The following USP33 variants were observed in gnomAD, a reference collection of about 807,000 sequenced individuals.
USP33 encodes ubiquitin carboxyl-terminal hydrolase 33.
In USP33, 46 loss-of-function variants were observed where a neutral mutation model predicts 124.2. The observed-to-expected ratio is 0.37, with a 90% CI of 0.29 to 0.47. USP33 has a LOEUF of 0.47. Ranked by LOEUF, USP33 falls within the 20% of genes least tolerant of loss-of-function variation. The pLI, the probability that USP33 is intolerant of heterozygous loss-of-function variation, is 0.99. For missense variants in USP33, 851 were observed against 1,070.6 expected, an observed-to-expected ratio of 0.79 and a Z score of 2.86; for synonymous variants, 350 against 352.3, an observed-to-expected ratio of 0.99 and a Z score of 0.07.
chr1:77,703,898 T>A (rs1485117717), intron 21 of USP33, among the ~76,000 whole-genome samples: 1 of 152,112 alleles, frequency 6.6e-6, no homozygotes, highest in African/African-American at 2.4e-5. Flanking sequence ...ATCCCTATAG[T>A]CCCAGCTATT....
chr1:77,723,992 C>A (rs1676878760), intron 11 of USP33, among the ~76,000 whole-genome samples: 1 of 151,872 alleles, frequency 6.6e-6, no homozygotes, highest in Non-Finnish European at 1.5e-5. Flanking sequence ...ATAAATGATC[C>A]TTGGCCACCA....
intron 21 of USP33, 146 bp downstream of exon 21, chr1:77,711,601 T>A: frequency 7.6e-7 from 1 of 1,317,684 alleles, no homozygotes; most frequent in Non-Finnish European, 1.0e-6. Context: ...GTGAACTGCC[T>A]GAGGTCATTC....
intron 18 of USP33, 79 bp from the exon 19 acceptor site, chr1:77,714,862 C>T: frequency 7.1e-7 from 1 of 1,404,446 alleles, no homozygotes; most frequent in Non-Finnish European, 9.9e-7. Context: ...TCTTATTAGA[C>T]TTAACACACA....
intron 4 of USP33, among the ~76,000 whole-genome samples, chr1:77,740,465 T>G (rs535421922): frequency 6.6e-6 from 1 of 152,054 alleles, no homozygotes; most frequent in African/African-American, 2.4e-5. Context: ...ACAATTCTCC[T>G]GCCTCAGCCT....
intron 10 of USP33, among the ~76,000 whole-genome samples, 182 bp downstream of exon 10, chr1:77,728,113 T>C (rs1048408460): frequency 6.6e-6 from 1 of 152,224 alleles, no homozygotes; most frequent in Non-Finnish European, 1.5e-5. Flanking sequence ...ATTTCTTATA[T>C]AATTAAATGA....
chr1:77,754,166 A>T (rs1306495677), intron 1 of USP33, among the ~76,000 whole-genome samples: 1 of 152,222 alleles, frequency 6.6e-6, no homozygotes, highest in Non-Finnish European at 1.5e-5. Flanking sequence ...TTCAAAGGAC[A>T]GCAAGCACTT....
chr1:77,751,110 T>C (rs1475242839), intron 1 of USP33, among the ~76,000 whole-genome samples: 1 of 152,222 alleles, frequency 6.6e-6, no homozygotes, highest in African/African-American at 2.4e-5. Context: ...CTGTAGAAGC[T>C]TGTGACTTAC....
chr1:77,720,690 AT>A (rs2101373831), intron 15 of USP33: 2 of 844,856 alleles, frequency 2.4e-6, no homozygotes, highest in African/African-American at 3.7e-5. Flanking sequence ...ACTAAGAAGC[AT>A]TAAAAGTCTA....
chr1:77,698,410 G>A (rs370112480), intron 22 of USP33, among the ~76,000 whole-genome samples: 4 of 150,130 alleles, frequency 2.7e-5, no homozygotes, highest in African/African-American at 9.8e-5. Context: ...GAGCTTCTTC[G>A]TTTTTAGTTC....
intron 1 of USP33, among the ~76,000 whole-genome samples, chr1:77,752,182 G>A (rs1210140906): frequency 6.6e-6 from 1 of 151,666 alleles, no homozygotes; most frequent in Non-Finnish European, 1.5e-5. Context: ...TGTCGCCCAG[G>A]CTGGAGTGCA....
intron 1 of USP33, among the ~76,000 whole-genome samples, chr1:77,754,173 A>T (rs1412808451): frequency 6.6e-6 from 1 of 152,198 alleles, no homozygotes; most frequent in Non-Finnish European, 1.5e-5. Flanking sequence ...GACAGCAAGC[A>T]CTTTGCACTA....
chr1:77,754,134 G>A (rs556532555), intron 1 of USP33, among the ~76,000 whole-genome samples: 7 of 152,292 alleles, frequency 4.6e-5, no homozygotes, highest in African/African-American at 1.7e-4. Flanking sequence ...TTACACAGAG[G>A]TTGGGTAACT....
intron 20 of USP33, 122 bp from the exon 21 acceptor site, chr1:77,711,977 T>A: frequency 1.0e-6 from 1 of 964,108 alleles, no homozygotes; most frequent in African/African-American, 1.7e-5. Flanking sequence ...AATATAAAAA[T>A]CAAAAATCAT....
rs188992591 is a variant in USP33, at chr1:77,730,909, G to A, written c.525-178C>T. Among the ~76,000 whole-genome samples the A allele has an allele frequency of 3.0e-3, 456 of 151,938 alleles. 2 individuals carry two copies. The highest frequency in any genetic ancestry group is 0.011 in the African/African-American group (436 of 41,448). ...GCTCAATCCATTCAAATCAGATTTG[G>A]CCCCAGCATATCAAGAGTCCTCCAT... On this transcript the variant is annotated intron_variant, in intron 7 of 23. Transcript: ENST00000370794.
At chr1:77,745,952 T>C (rs892778239) in intron 1 of USP33, among the ~76,000 whole-genome samples, 4 of 152,046 alleles carry the variant, frequency 2.6e-5, no homozygotes, top group African/African-American at 9.7e-5. Flanking sequence ...ATCGACACCC[T>C]AACATCACAA....
At position 77,708,009 on chromosome 1, in the gene USP33, C is replaced by A. The variant is rs1674818358; in HGVS notation, c.2406+3738G>T. Among the ~76,000 whole-genome samples, 4 of 152,156 alleles carry A rather than the reference C, an allele frequency of 2.6e-5. No individual in the cohort carries two copies. In the South Asian group the frequency reaches 8.3e-4, roughly 32 times the overall value. Reference sequence around the variant, plus strand: ...TATAGTGACTGGTGGGACTTTGGGTCTCCCAAATATGGGGAAAGGGCAAAT... The same window carrying A: ...TATAGTGACTGGTGGGACTTTGGGTATCCCAAATATGGGGAAAGGGCAAAT... On this transcript the variant is annotated intron_variant, in intron 21 of 23. Transcript: ENST00000370794.
At chr1:77,747,240 C>CTT (rs752560478) in intron 1 of USP33, among the ~76,000 whole-genome samples, 34 of 103,812 alleles carry the variant, frequency 3.3e-4, no homozygotes, top group African/African-American at 3.6e-4. Flanking sequence ...GGCTTCTGGG[C>CTT]TTTTTTTTTT....
At position 77,727,440 on chromosome 1, in the gene USP33, C is replaced by A. The variant is rs1283376098; in HGVS notation, c.1135+855G>T. 3.3e-5 allele frequency among the ~76,000 whole-genome samples: 5 copies of A among 152,220 alleles called. No individual in the cohort carries two copies. The South Asian group carries it at 8.3e-4, about 25-fold the overall frequency. ...GATACCTGACATATTTATTCACTAA[C>A]AACTTCTACACAAGATCAGTATAAT... On this transcript the variant is annotated intron_variant, in intron 10 of 23. Transcript: ENST00000370794.
chr1:77,750,928 AATTTC>A (rs1680275325), intron 1 of USP33, among the ~76,000 whole-genome samples: 1 of 152,200 alleles, frequency 6.6e-6, no homozygotes, highest in Non-Finnish European at 1.5e-5. Flanking sequence ...TAGCTACTTC[AATTTC>A]TTCTCAAATT....
Sources: gnomAD v4.1 joint callset for allele counts (sites outside exome capture counted in the v4.1 genomes callset) on GRCh38, gnomAD v4.1.1 for gene constraint, MANE v1.5 for transcripts, NCBI Gene and HGNC (gene_info 2026-07-23, HGNC 2026-07-21) for gene names.